GATC: variants seen among roughly 807,000 people sequenced by gnomAD.
GATC encodes glutamyl-tRNA(Gln) amidotransferase subunit C, mitochondrial.
A neutral mutation model predicts 14.4 loss-of-function variants in GATC; 11 were observed. The ratio of observed to expected loss-of-function variants is 0.77; its 90% CI spans 0.48 to 1.27. The LOEUF is 1.27. Ranked by LOEUF, GATC falls within the 50% of genes most tolerant of loss-of-function variation. GATC has a pLI of 0.00. For missense variants in GATC, 204 were observed against 183.0 expected (o/e 1.11, Z -0.66); for synonymous variants, 76 against 79.3 (o/e 0.96, Z 0.22).
intron 2 of GATC, among the ~76,000 whole-genome samples, chr12:120,449,388 CTG>C (rs1458190504): frequency 1.3e-5 from 2 of 152,128 alleles, no homozygotes; most frequent in Non-Finnish European, 1.5e-5. Context: ...CACAGCATGT[CTG>C]TTTTTCCTTA....
At chr12:120,457,274 CT>C in intron 3 of GATC, 95 bp downstream of exon 3, 1 of 919,950 alleles carries the variant, frequency 1.1e-6, no homozygotes. Context: ...TGTGAAGGCA[CT>C]TTGAAAAGGA....
Position 120,446,708 on chromosome 12 carries a change from C to A in GATC, c.133C>A (p.Leu45Ile). The change falls in exon 2 of 4, where the codon CTT becomes ATT. Residue 45 changes from leucine (L) to isoleucine (I), a missense_variant. Leu to Ile is a conservative substitution (Grantham distance 5). Coordinates refer to ENST00000551765, the MANE Select transcript of GATC (RefSeq NM_176818.3). ...GATCGAGCACCTGGAGCGTCTAGCG[C>A]TTGTGGACTTCGGCAGCCGCGAGGC... ...AVIEHLERLA[L>I]VDFGSREAVA... 6.2e-7 allele frequency: 1 copy of A among 1,613,882 alleles called. No homozygotes were observed.
At position 120,452,172 on chromosome 12, in the gene GATC, C is replaced by T. The variant is rs184123928; in HGVS notation, c.255-4904C>T. On this transcript the variant is annotated intron_variant, in intron 2 of 3. Coordinates refer to ENST00000551765, the MANE Select transcript of GATC (RefSeq NM_176818.3). ...GATTGCAGGCATGAGCCACCGTGCCCGGCCTAAATTATTTCAATTTTCACA... is the reference window on the plus strand; with the variant it reads ...GATTGCAGGCATGAGCCACCGTGCCTGGCCTAAATTATTTCAATTTTCACA... 1.0e-3 allele frequency among the ~76,000 whole-genome samples: 152 copies of T among 151,412 alleles called. 2 individuals carry two copies. Among genetic ancestry groups the T allele is most frequent in the African/African-American group, 3.4e-3 (141 of 41,246 alleles).
intron 3 of GATC, among the ~76,000 whole-genome samples, chr12:120,457,646 G>T (rs1435006007): frequency 6.5e-5 from 7 of 107,880 alleles, no homozygotes; most frequent in African/African-American, 1.5e-4. Flanking sequence ...CGCTCTTGTT[G>T]CCCAGGCTGG....
chr12:120,447,327 G>A (rs1450714267), intron 2 of GATC, among the ~76,000 whole-genome samples: 3 of 151,762 alleles, frequency 2.0e-5, no homozygotes, highest in East Asian at 3.9e-4. Context: ...CACCCGCCTC[G>A]GCCTCCCAAA....
In GATC at chr12:120,462,261, A is replaced by G. The variant is rs1878367139; in HGVS notation, c.*2302A>G. On this transcript the variant is annotated 3_prime_UTR_variant, in exon 4 of 4. Coordinates refer to ENST00000551765, the MANE Select transcript of GATC (RefSeq NM_176818.3). ...TAACAATAATAGTTAAGTATTGAGC[A>G]CTTACTGTGTACTCTGTGCCTGGCA... The G allele has an allele frequency of 7.6e-7, 1 of 1,320,630 alleles. No homozygotes were observed. Among genetic ancestry groups the G allele is most frequent in the Non-Finnish European group, 1.0e-6 (1 of 962,396 alleles). 81.8% of individuals were successfully genotyped at this position (1,320,630 alleles called of 1,614,324 possible). A position where few individuals can be genotyped will look rare whatever the true frequency, so the allele number is the denominator to read the frequency against.
chr12:120,462,104 C>T lies in GATC; in HGVS notation c.*2145C>T. The T allele has an allele frequency of 1.2e-6, 2 of 1,612,124 alleles. No individual in the cohort carries two copies. The highest frequency in any genetic ancestry group is 8.5e-7 in the Non-Finnish European group (1 of 1,179,838). On this transcript the variant is annotated 3_prime_UTR_variant, in exon 4 of 4. Coordinates refer to ENST00000551765, the MANE Select transcript of GATC (RefSeq NM_176818.3). ...ACGGCCCCTTGACCCAGACCGAGAC[C>T]GTGAGTAGCCATAGCTGGTGCTTCT...
At chr12:120,457,472 CCA>C (rs1299003741) in intron 3 of GATC, among the ~76,000 whole-genome samples, 4 of 152,050 alleles carry the variant, frequency 2.6e-5, no homozygotes, top group Admixed American at 6.6e-5. Context: ...TTTCTCAAAG[CCA>C]CAGTTAAGAC....
At chr12:120,454,254 T>C (rs1878121554) in intron 2 of GATC, among the ~76,000 whole-genome samples, 2 of 152,212 alleles carry the variant, frequency 1.3e-5, no homozygotes, top group Non-Finnish European at 2.9e-5. Context: ...CAGAGCCCTC[T>C]TACTGCCGTG....
chr12:120,448,543 G>T (rs937736629), intron 2 of GATC, among the ~76,000 whole-genome samples: 6 of 151,160 alleles, frequency 4.0e-5, no homozygotes, highest in African/African-American at 1.2e-4. Flanking sequence ...TGACCAGGCT[G>T]GTCTCGAACC....
intron 2 of GATC, among the ~76,000 whole-genome samples, chr12:120,449,487 G>A (rs1289661304): frequency 6.6e-6 from 1 of 151,706 alleles, no homozygotes; most frequent in Non-Finnish European, 1.5e-5. Flanking sequence ...GTCTCACTCT[G>A]TTGCCCACGC....
At position 120,454,086 on chromosome 12, in the gene GATC, A is replaced by C. The variant is rs76752378; in HGVS notation, c.255-2990A>C. On this transcript the variant is annotated intron_variant, in intron 2 of 3. Transcript: ENST00000551765. ...TTAGATCTACTCTTGGGGAAGCAGT[A>C]GCATTTAACCGCCTATTGGCGGTAG... Among the ~76,000 whole-genome samples the C allele has an allele frequency of 3.5e-3, 540 of 152,332 alleles. 7 individuals carry two copies. The highest frequency in any genetic ancestry group is 0.013 in the African/African-American group (523 of 41,578).
chr12:120,447,595 G>A (rs1877912086), intron 2 of GATC, among the ~76,000 whole-genome samples: 1 of 151,966 alleles, frequency 6.6e-6, no homozygotes, highest in Non-Finnish European at 1.5e-5. Context: ...CTCAGAAAGG[G>A]CTCTCCTAAC....
chr12:120,457,542 T>G (rs1212536556), intron 3 of GATC, among the ~76,000 whole-genome samples: 1 of 152,124 alleles, frequency 6.6e-6, no homozygotes, highest in Non-Finnish European at 1.5e-5. Context: ...GAATAAATAT[T>G]TGTTAGGTCT....
Position 120,446,498 on chromosome 12 carries a change from G to A in GATC, c.18G>A (p.Val6=). The A allele has an allele frequency of 4.4e-6, 7 of 1,607,544 alleles. No homozygotes were observed. Among genetic ancestry groups the A allele is most frequent in the Non-Finnish European group, 6.0e-6 (7 of 1,176,218 alleles). The change falls in exon 1 of 4, where the codon GTG becomes GTA. Residue 6 remains valine, a synonymous_variant. Coordinates refer to ENST00000551765, the MANE Select transcript of GATC (RefSeq NM_176818.3). Reference sequence around the variant, plus strand: ...AGGAAGAAATGTGGTCGCGGTTGGTGTGGCTGGGCCTTCGGGCCCCTCTGG... The same window carrying A: ...AGGAAGAAATGTGGTCGCGGTTGGTATGGCTGGGCCTTCGGGCCCCTCTGG... MWSRL[V]WLGLRAPLGG...
chr12:120,452,947 C>T (rs1259637071), intron 2 of GATC, among the ~76,000 whole-genome samples: 2 of 152,130 alleles, frequency 1.3e-5, no homozygotes, highest in Non-Finnish European at 1.5e-5. Context: ...TCACCCCCTT[C>T]GGCCTCCTGA....
rs1319060270 is a variant in GATC at position 120,457,067 on chromosome 12, G to A, written c.255-9G>A. 3 of 1,602,740 alleles carry A rather than the reference G, an allele frequency of 1.9e-6. No homozygotes were observed. Among genetic ancestry groups the A allele is most frequent in the African/African-American group, 1.3e-5 (1 of 74,630 alleles). ...TGAGAGGGTAACCTTGAGCTTCTGG[G>A]TTTTGTAGATGTCTATACCTGAGAT... On this transcript the variant is annotated splice_polypyrimidine_tract_variant and intron_variant, in intron 2 of 3. Transcript: ENST00000551765.
At chr12:120,459,877 C>T (rs767122893) in intron 3 of GATC, 30 bp from the exon 4 acceptor site, 3 of 1,586,868 alleles carry the variant, frequency 1.9e-6, no homozygotes, top group African/African-American at 2.7e-5. Flanking sequence ...AACAAACAAA[C>T]AAAAATTCTC....
At chr12:120,454,923 T>C (rs1878142003) in intron 2 of GATC, 1 of 400,776 alleles carries the variant, frequency 2.5e-6, no homozygotes, top group South Asian at 1.7e-5. Context: ...TGTCTCACTC[T>C]GTCACCCAGG....
Sources: allele counts gnomAD v4.1 joint callset (sites outside exome capture counted in the v4.1 genomes callset), GRCh38; gene constraint gnomAD v4.1.1; transcripts MANE v1.5; gene names NCBI Gene and HGNC (gene_info 2026-07-23, HGNC 2026-07-21).